Variants in DNAAF11 observed in about 807,000 individuals in gnomAD.
The protein encoded by DNAAF11 is leucine rich repeat containing 6.
A neutral mutation model predicts 60.8 loss-of-function variants in DNAAF11; 45 were observed. The ratio of observed to expected loss-of-function variants is 0.74; its 90% CI spans 0.58 to 0.95. The LOEUF is 0.95. Among genes scored for constraint, DNAAF11 ranks in the 40% least tolerant of loss-of-function variants. DNAAF11 has a pLI of 0.00. For synonymous variants in DNAAF11, 191 were observed against 183.5 expected, an observed-to-expected ratio of 1.04 and a Z score of -0.33; for missense variants, 546 against 546.2, an observed-to-expected ratio of 1.00 and a Z score of 0.00.
intron 5 of DNAAF11, among the ~76,000 whole-genome samples, chr8:132,626,902 T>C (rs904002567): frequency 1.3e-5 from 2 of 152,186 alleles, no homozygotes; most frequent in East Asian, 1.9e-4. Flanking sequence ...TTTTCAAATA[T>C]ATTTTCTTTA....
chr8:132,676,747 T>C (rs189297171), upstream of DNAAF11, among the ~76,000 whole-genome samples: 66 of 152,082 alleles, frequency 4.3e-4, no homozygotes, highest in Middle Eastern at 3.4e-3. Flanking sequence ...GAGAGCTAGA[T>C]AGAAGGGATC....
chr8:132,629,424 T>C (rs1190696209), intron 5 of DNAAF11, among the ~76,000 whole-genome samples: 1 of 151,544 alleles, frequency 6.6e-6, no homozygotes, highest in Non-Finnish European at 1.5e-5. Context: ...CTCGGCTCAC[T>C]GCAAGCTCCG....
At chr8:132,683,467 T>C in the DNAAF11 span, among the ~76,000 whole-genome samples, 1 of 152,180 alleles carries the variant, frequency 6.6e-6, no homozygotes, top group African/African-American at 2.4e-5. Context: ...CAGCTGCTCT[T>C]GTATGGGCAC....
Position 132,627,862 on chromosome 8 carries a change from G to T in DNAAF11, c.654-2408C>A, listed in dbSNP as rs1330991443. 5.3e-5 allele frequency among the ~76,000 whole-genome samples: 8 copies of T among 152,242 alleles called. No homozygotes were observed. The South Asian group carries it at 1.7e-3, about 32-fold the overall frequency. ...TAACCTGGCTGCTGCTACCCTCGCT[G>T]GGACCAATATCCAGATACTGGTTTC... On this transcript the variant is annotated intron_variant, in intron 5 of 11. Transcript: ENST00000620350.
chr8:132,640,087 A>G (rs545342571), intron 3 of DNAAF11, among the ~76,000 whole-genome samples: 2 of 152,330 alleles, frequency 1.3e-5, no homozygotes, highest in African/African-American at 4.8e-5. Context: ...CCATGATATT[A>G]GCAAGTCTAA....
the DNAAF11 span, among the ~76,000 whole-genome samples, chr8:132,697,070 A>G: frequency 6.6e-6 from 1 of 152,230 alleles, no homozygotes; most frequent in Non-Finnish European, 1.5e-5. Context: ...TTAAAAACAC[A>G]AAGACCGCAT....
intron 10 of DNAAF11, among the ~76,000 whole-genome samples, chr8:132,584,954 T>G (rs1482138272): frequency 6.6e-6 from 1 of 152,194 alleles, no homozygotes; most frequent in African/African-American, 2.4e-5. Flanking sequence ...GCCTTAACAC[T>G]AAGCCACATT....
chr8:132,621,483 A>G (rs554094835), intron 7 of DNAAF11, among the ~76,000 whole-genome samples: 1 of 152,284 alleles, frequency 6.6e-6, no homozygotes, highest in South Asian at 2.1e-4. Flanking sequence ...CAATCTCAGT[A>G]GAACTGGTTT....
At chr8:132,583,035 A>C (rs569174217) in intron 11 of DNAAF11, among the ~76,000 whole-genome samples, 2 of 152,328 alleles carry the variant, frequency 1.3e-5, no homozygotes, top group South Asian at 4.1e-4. Flanking sequence ...TTTAGGAATC[A>C]AAGAGAGACA....
chr8:132,610,434 C>G (rs991087919), intron 9 of DNAAF11, among the ~76,000 whole-genome samples, 173 bp from the exon 10 acceptor site: 5 of 152,056 alleles, frequency 3.3e-5, no homozygotes, highest in African/African-American at 1.2e-4. Flanking sequence ...ACTATTTTAC[C>G]TATTTTAACA....
rs1217269828 is a variant in DNAAF11, at chr8:132,661,522, A to G, written c.116T>C (p.Ile39Thr). Residue 39 changes from isoleucine (I) to threonine (T), a missense_variant, in exon 2 of 12, where the codon ATT becomes ACT. By Grantham distance (89) the Ile-to-Thr change is moderately conservative. Transcript: ENST00000620350. ...HQQEIERLEHIDKWCRDLKIL... is the reference protein window; with the variant it reads ...HQQEIERLEHTDKWCRDLKIL... ...TTTTAAATCCCGGCACCATTTATCA[A>G]TGTGTTCTAGTCTTTCTATTTCTTG... 4.3e-6 allele frequency: 7 copies of G among 1,613,498 alleles called. No individual in the cohort carries two copies. The highest frequency in any genetic ancestry group is 5.9e-6 in the Non-Finnish European group (7 of 1,179,720).
Position 132,571,113 on chromosome 8 carries a change from G to C in DNAAF11, c.*1193C>G, listed in dbSNP as rs1278828846. Among the ~76,000 whole-genome samples, 1 of 152,156 alleles carries C rather than the reference G, an allele frequency of 6.6e-6. No homozygotes were observed. The highest frequency in any genetic ancestry group is 1.5e-5 in the Non-Finnish European group (1 of 68,036). On this transcript the variant is annotated 3_prime_UTR_variant, in exon 12 of 12. Coordinates refer to ENST00000620350, the MANE Select transcript of DNAAF11 (RefSeq NM_012472.6). ...TTTGGTTATCTGCTAAACATTAGCA[G>C]AGTCTTCCACTGGAAGCCTGTTTAA...
chr8:132,688,386 G>C, the DNAAF11 span, among the ~76,000 whole-genome samples: 2 of 152,154 alleles, frequency 1.3e-5, no homozygotes, highest in Non-Finnish European at 2.9e-5. Flanking sequence ...GAATTTTCAC[G>C]AAGGAGCTTT....
chr8:132,672,253 GT>G (rs1334854413), intron 1 of DNAAF11, among the ~76,000 whole-genome samples: 2 of 152,126 alleles, frequency 1.3e-5, no homozygotes, highest in African/African-American at 4.8e-5. Flanking sequence ...GCATTCAATA[GT>G]ATAAAATTTA....
the DNAAF11 span, among the ~76,000 whole-genome samples, chr8:132,701,876 C>T: frequency 3.3e-5 from 5 of 152,236 alleles, no homozygotes; most frequent in South Asian, 4.2e-4. Context: ...GGTGGCAGCT[C>T]CTAGGCCCAA....
chr8:132,689,679 A>G, the DNAAF11 span, among the ~76,000 whole-genome samples: 1 of 151,186 alleles, frequency 6.6e-6, no homozygotes, highest in Non-Finnish European at 1.5e-5. Flanking sequence ...ATATACATAT[A>G]TGTGTGTGTG....
chr8:132,618,185 A>T (rs1251235608), intron 7 of DNAAF11, among the ~76,000 whole-genome samples: 2 of 151,074 alleles, frequency 1.3e-5, no homozygotes, highest in Non-Finnish European at 3.0e-5. Flanking sequence ...TGAGAAAAAC[A>T]AGAAATGGGG....
Position 132,661,557 on chromosome 8 carries a change from C to CGA in DNAAF11, c.79_80dup (p.Leu28ArgfsTer7). ...GTCTTTCTATTTCTTGCTGATGCAACGAGAGTTCCTCCAGGGAAAAAATGA... is the reference window on the plus strand; with the variant it reads ...GTCTTTCTATTTCTTGCTGATGCAACGAGAGAGTTCCTCCAGGGAAAAAATGA... On this transcript the variant is annotated frameshift_variant, in exon 2 of 12. Transcript: ENST00000620350. LOFTEE classifies it high-confidence loss of function. 1.9e-6 allele frequency: 3 copies of CGA among 1,613,964 alleles called. No homozygotes were observed. The South Asian group carries it at 3.3e-5, about 18-fold the overall frequency.
At chr8:132,599,158 A>G (rs1281415874) in intron 10 of DNAAF11, among the ~76,000 whole-genome samples, 1 of 152,214 alleles carries the variant, frequency 6.6e-6, no homozygotes, top group Non-Finnish European at 1.5e-5. Context: ...CTACGCAAAT[A>G]AACTAGAAAA....
Sources: allele counts gnomAD v4.1 joint callset (sites outside exome capture counted in the v4.1 genomes callset), GRCh38; gene constraint gnomAD v4.1.1; transcripts MANE v1.5; gene names NCBI Gene and HGNC (gene_info 2026-07-23, HGNC 2026-07-21).